GLB1: variants seen among roughly 807,000 people sequenced by gnomAD.
GLB1 encodes galactosidase beta 1.
Under a neutral mutation model 74.0 loss-of-function variants are expected in GLB1, and 56 were observed. That is an observed-to-expected ratio of 0.76 (90% CI 0.61 to 0.94). The LOEUF (loss-of-function observed/expected upper bound fraction) is 0.94, where lower values mean the gene tolerates loss of function less well. Among genes scored for constraint, GLB1 ranks in the 40% least tolerant of loss-of-function variants. GLB1 has a pLI of 0.00. For missense variants in GLB1, 787 were observed against 845.5 expected, an observed-to-expected ratio of 0.93 and a Z score of 0.86; for synonymous variants, 323 against 323.6, an observed-to-expected ratio of 1.00 and a Z score of 0.02.
chr3:32,994,418 A>G (rs1387318699), downstream of GLB1, among the ~76,000 whole-genome samples: 1 of 152,252 alleles, frequency 6.6e-6, no homozygotes, highest in Non-Finnish European at 1.5e-5. Context: ...TATTTTCCAA[A>G]GGTAGCATCC....
At chr3:33,053,705 G>A (rs2125525932) in intron 6 of GLB1, among the ~76,000 whole-genome samples, 156 bp from the exon 7 acceptor site, 1 of 152,334 alleles carries the variant, frequency 6.6e-6, no homozygotes, top group East Asian at 1.9e-4. Context: ...CACCCAAGAT[G>A]ATAGTATTAA....
At chr3:33,066,578 C>T (rs1699692870) in intron 4 of GLB1, among the ~76,000 whole-genome samples, 1 of 152,146 alleles carries the variant, frequency 6.6e-6, no homozygotes, top group South Asian at 2.1e-4. Context: ...TATTCTGTTA[C>T]AAGCAACAGA....
intron 15 of GLB1, among the ~76,000 whole-genome samples, chr3:33,005,668 A>T (rs1559378549): frequency 1.3e-5 from 2 of 151,908 alleles, no homozygotes; most frequent in Admixed American, 6.6e-5. Context: ...TAATTCAAAA[A>T]TTTTTTTTGT....
At chr3:33,043,350 C>T (rs1165154612) in intron 10 of GLB1, among the ~76,000 whole-genome samples, 2 of 152,096 alleles carry the variant, frequency 1.3e-5, no homozygotes, top group Admixed American at 1.3e-4. Context: ...CACAGGGCTG[C>T]GCTCCCGTTG....
intron 14 of GLB1, 135 bp from the exon 15 acceptor site, chr3:33,014,445 T>C: frequency 7.6e-7 from 1 of 1,321,684 alleles, no homozygotes; most frequent in Non-Finnish European, 1.0e-6. Flanking sequence ...GAAATATGTG[T>C]ACATCGAAGT....
chr3:33,021,827 A>G (rs984668019), intron 11 of GLB1, among the ~76,000 whole-genome samples, 172 bp from the exon 12 acceptor site: 2 of 152,166 alleles, frequency 1.3e-5, no homozygotes, highest in African/African-American at 4.8e-5. Context: ...AGTCCTCTCC[A>G]TCTACTCCCT....
chr3:33,030,931 T>TATTTTTATGGTTC, intron 10 of GLB1: 7 of 584,936 alleles, frequency 1.2e-5, no homozygotes, highest in Non-Finnish European at 1.5e-5. Flanking sequence ...CGCTGCCCTA[T>TATTTTTATGGTTC]ATTTTTATGG....
chr3:33,069,136 T>C (rs1387974179), intron 2 of GLB1, among the ~76,000 whole-genome samples, 166 bp from the exon 3 acceptor site: 1 of 151,832 alleles, frequency 6.6e-6, no homozygotes, highest in Non-Finnish European at 1.5e-5. Flanking sequence ...AGGCCTCTAA[T>C]CCCAGCACTC....
chr3:33,078,561 A>G (rs140140195), intron 1 of GLB1, among the ~76,000 whole-genome samples: 5 of 152,344 alleles, frequency 3.3e-5, no homozygotes, highest in Admixed American at 3.3e-4. Context: ...AGGAAGCAAT[A>G]AGCCAAATCC....
At chr3:33,094,423 G>T in intron 1 of GLB1, 2 of 1,182,866 alleles carry the variant, frequency 1.7e-6, no homozygotes, top group Non-Finnish European at 2.2e-6. Flanking sequence ...TCAAATACCA[G>T]TCAGTTGCTA....
At chr3:33,086,506 T>C (rs539387848) in intron 1 of GLB1, among the ~76,000 whole-genome samples, 39 of 152,290 alleles carry the variant, frequency 2.6e-4, no homozygotes, top group African/African-American at 8.2e-4. Flanking sequence ...AAACATTAAA[T>C]GGAAAGATAA....
At chr3:32,984,054 T>G in the GLB1 span, among the ~76,000 whole-genome samples, 1 of 152,300 alleles carries the variant, frequency 6.6e-6, no homozygotes, top group Admixed American at 6.5e-5. Flanking sequence ...AAGATAATTT[T>G]GAGTTTGCTT....
At chr3:33,035,151 G>A (rs1698216442) in intron 10 of GLB1, among the ~76,000 whole-genome samples, 1 of 152,108 alleles carries the variant, frequency 6.6e-6, no homozygotes, top group Non-Finnish European at 1.5e-5. Context: ...AATGTTGTAG[G>A]CTGGGCGCAG....
intron 10 of GLB1, among the ~76,000 whole-genome samples, chr3:33,031,371 C>T (rs943873994): frequency 8.6e-5 from 13 of 151,924 alleles, no homozygotes; most frequent in Admixed American, 2.0e-4. Flanking sequence ...TGGCTGGGTG[C>T]GGTGGCTTAC....
intron 10 of GLB1, 129 bp downstream of exon 10, chr3:33,045,991 C>G: frequency 8.0e-7 from 1 of 1,244,966 alleles, no homozygotes; most frequent in Non-Finnish European, 1.1e-6. Context: ...CCAAGTCTAG[C>G]TGATGCCTCC....
intron 7 of GLB1, among the ~76,000 whole-genome samples, chr3:33,053,027 T>C (rs143838511): frequency 1.5e-4 from 23 of 152,256 alleles, no homozygotes; most frequent in African/African-American, 5.5e-4. Flanking sequence ...ACAACAAGAA[T>C]AGCAACTTCA....
At chr3:32,972,027 A>G in the GLB1 span, among the ~76,000 whole-genome samples, 1 of 152,238 alleles carries the variant, frequency 6.6e-6, no homozygotes, top group Admixed American at 6.5e-5. Flanking sequence ...TCACAAAAAT[A>G]GACACAAATA....
At chr3:32,992,369 A>G (rs947088310), downstream of GLB1, among the ~76,000 whole-genome samples, 1 of 152,218 alleles carries the variant, frequency 6.6e-6, no homozygotes, top group Non-Finnish European at 1.5e-5. Flanking sequence ...GAAAGGATGG[A>G]GCATCCTAGG....
At chr3:32,971,318 A>G in the GLB1 span, among the ~76,000 whole-genome samples, 1 of 152,228 alleles carries the variant, frequency 6.6e-6, no homozygotes, top group Non-Finnish European at 1.5e-5. Flanking sequence ...CTAATTGTCA[A>G]AAAGACTAGA....
Sources: allele counts gnomAD v4.1 joint callset (sites outside exome capture counted in the v4.1 genomes callset), GRCh38; gene constraint gnomAD v4.1.1; transcripts MANE v1.5; gene names NCBI Gene and HGNC (gene_info 2026-07-23, HGNC 2026-07-21).